ITPK1: variants seen among roughly 807,000 people sequenced by gnomAD.
ITPK1 encodes the protein inositol-tetrakisphosphate 1-kinase.
A neutral mutation model predicts 45.3 loss-of-function variants in ITPK1; 21 were observed. The observed-to-expected ratio is 0.46, with a 90% CI of 0.33 to 0.67. The LOEUF is 0.67. Among genes scored for constraint, ITPK1 ranks in the 30% least tolerant of loss-of-function variants. ITPK1 has a pLI of 0.02. For missense variants in ITPK1, 474 were observed against 573.5 expected (o/e 0.83, Z 1.77); for synonymous variants, 258 against 253.6 (o/e 1.02, Z -0.16).
At chr14:93,066,874 G>A (rs927919750) in intron 3 of ITPK1, among the ~76,000 whole-genome samples, 2 of 152,194 alleles carry the variant, frequency 1.3e-5, no homozygotes, top group Non-Finnish European at 2.9e-5. Flanking sequence ...ATGGTTCTGC[G>A]CCCAGCTGGA....
intron 4 of ITPK1, among the ~76,000 whole-genome samples, chr14:92,999,140 C>T (rs1887205268): frequency 6.6e-6 from 1 of 152,254 alleles, no homozygotes; most frequent in Admixed American, 6.5e-5. Context: ...TAGGCCTGTG[C>T]TCTGAGGAGA....
intron 3 of ITPK1, among the ~76,000 whole-genome samples, chr14:93,066,682 G>A (rs1353087499): frequency 6.6e-6 from 1 of 152,154 alleles, no homozygotes. Flanking sequence ...GGGATTACAG[G>A]TGTGAGCCAC....
chr14:93,075,677 G>A lies in ITPK1; in HGVS notation c.120+918C>T, dbSNP rs555417463. On this transcript the variant is annotated intron_variant, in intron 3 of 10. Coordinates refer to ENST00000267615, the MANE Select transcript of ITPK1 (RefSeq NM_014216.6). ...CGCTGAGGGAAGGCCTGGAGCTGAA[G>A]TTAACAGGGGTGGGCTGGAAGAGCT... 3.3e-5 allele frequency among the ~76,000 whole-genome samples: 5 copies of A among 152,376 alleles called. No homozygotes were observed. The East Asian group carries it at 9.6e-4, about 29-fold the overall frequency.
At position 93,032,206 on chromosome 14, in the gene ITPK1, T is replaced by C. The variant is rs566173825; in HGVS notation, c.121-15405A>G. Among the ~76,000 whole-genome samples the C allele has an allele frequency of 1.2e-3, 178 of 152,192 alleles. 1 individual carries two copies. Among genetic ancestry groups the C allele is most frequent in the African/African-American group, 4.0e-3 (167 of 41,514 alleles). ...CTCTACTAAAAGTGCAAAAATTAGC[T>C]GGGCATGGTGGTGCATGCCTGCAAT... is the stretch of plus-strand genomic sequence containing the variant. On this transcript the variant is annotated intron_variant, in intron 3 of 10. Coordinates refer to ENST00000267615, the MANE Select transcript of ITPK1 (RefSeq NM_014216.6). The surrounding 1 kb of genome is among the most constrained non-coding windows in gnomAD (Gnocchi z 4.0).
Position 93,076,483 on chromosome 14 carries a change from G to T in ITPK1, c.120+112C>A. 2 of 1,249,258 alleles carry T rather than the reference G, an allele frequency of 1.6e-6. No individual in the cohort carries two copies. Among genetic ancestry groups the T allele is most frequent in the South Asian group, 1.2e-5 (1 of 81,212 alleles). The allele number at this position is 1,249,258 out of a possible 1,614,324, so 77.4% of individuals were successfully genotyped here. A position where few individuals can be genotyped will look rare whatever the true frequency, so the allele number is the denominator to read the frequency against. On this transcript the variant is annotated intron_variant, in intron 3 of 10. Coordinates refer to ENST00000267615, the MANE Select transcript of ITPK1 (RefSeq NM_014216.6). The surrounding 1 kb of genome is among the most constrained non-coding windows in gnomAD (Gnocchi z 4.3). Reference sequence around the variant, plus strand: ...CAGGGGAGCTAAAAACAAGCTGCACGTGAAGAAGAGAGAAAGCCGTGCCCA... The same window carrying T: ...CAGGGGAGCTAAAAACAAGCTGCACTTGAAGAAGAGAGAAAGCCGTGCCCA...
At chr14:93,103,564 T>G (rs1441476544) in intron 2 of ITPK1, among the ~76,000 whole-genome samples, 3 of 152,162 alleles carry the variant, frequency 2.0e-5, no homozygotes, top group Non-Finnish European at 4.4e-5. Context: ...TCCAGGAGAC[T>G]GTGGTGCTCA....
intron 8 of ITPK1, among the ~76,000 whole-genome samples, chr14:92,952,700 C>T (rs1888015483): frequency 6.6e-6 from 1 of 152,246 alleles, no homozygotes. Flanking sequence ...CCGGCCCGTA[C>T]AGGCCCACTG....
chr14:93,027,460 A>G (rs117621949), intron 3 of ITPK1, among the ~76,000 whole-genome samples: 3,879 of 152,240 alleles, frequency 0.025, 94 homozygotes, highest in Admixed American at 0.084. Flanking sequence ...AGGCAGAGCC[A>G]ATTATTATTC....
intron 3 of ITPK1, among the ~76,000 whole-genome samples, chr14:93,057,985 C>T (rs966580785): frequency 1.3e-5 from 2 of 152,224 alleles, no homozygotes; most frequent in East Asian, 3.9e-4. Context: ...CTGGCCCGAT[C>T]TTCCCAGGCG....
chr14:93,099,818 C>A (rs991935743), intron 2 of ITPK1, among the ~76,000 whole-genome samples: 1 of 152,088 alleles, frequency 6.6e-6, no homozygotes, highest in Non-Finnish European at 1.5e-5. Context: ...GGTAGGCCAG[C>A]CTGGGGCTCA....
At chr14:92,962,221 GCTAT>G (rs2139741854) in intron 7 of ITPK1, 130 bp downstream of exon 7, 1 of 741,642 alleles carries the variant, frequency 1.3e-6, no homozygotes, top group Non-Finnish European at 2.5e-6. Flanking sequence ...AGGGAAGGAG[GCTAT>G]CTACCAAGGA....
intron 5 of ITPK1, among the ~76,000 whole-genome samples, chr14:92,968,971 C>T (rs1292102879): frequency 6.6e-6 from 1 of 152,176 alleles, no homozygotes; most frequent in Non-Finnish European, 1.5e-5. Context: ...TCAGTGGACA[C>T]AGACTGTTTT....
At chr14:93,097,183 A>G (rs1396202991) in intron 2 of ITPK1, among the ~76,000 whole-genome samples, 8 of 152,194 alleles carry the variant, frequency 5.3e-5, no homozygotes, top group Admixed American at 3.3e-4. Flanking sequence ...GTGTGCAGAC[A>G]TGTTCCCAGG....
intron 2 of ITPK1, among the ~76,000 whole-genome samples, chr14:93,111,411 C>T (rs1892747948): frequency 6.6e-6 from 1 of 152,174 alleles, no homozygotes. Context: ...TCTGAAGCCC[C>T]TTCTGAGCAT....
At chr14:93,102,240 G>A (rs1324640730) in intron 2 of ITPK1, among the ~76,000 whole-genome samples, 1 of 152,258 alleles carries the variant, frequency 6.6e-6, no homozygotes, top group Non-Finnish European at 1.5e-5. Context: ...AGCAGCGAGA[G>A]GATGGGGCAC....
At chr14:93,066,706 C>T (rs1890770758) in intron 3 of ITPK1, among the ~76,000 whole-genome samples, 1 of 152,126 alleles carries the variant, frequency 6.6e-6, no homozygotes, top group Non-Finnish European at 1.5e-5. Context: ...ACCCACCTGA[C>T]ATTTAGCAGT....
chr14:92,949,913 A>C (rs116076663), intron 9 of ITPK1, among the ~76,000 whole-genome samples: 3 of 152,156 alleles, frequency 2.0e-5, no homozygotes, highest in Non-Finnish European at 2.9e-5. Flanking sequence ...GAAGGCGTTC[A>C]TGGGTCCCCA....
rs1890602359 is a variant in ITPK1, at chr14:93,063,112, C to T, written c.120+13483G>A. Among the ~76,000 whole-genome samples the T allele has an allele frequency of 6.6e-6, 1 of 152,194 alleles. No individual in the cohort carries two copies. The highest frequency in any genetic ancestry group is 6.5e-5 in the Admixed American group (1 of 15,290). ...ACGCCAGACCCTTCTCCAAGCCCCA[C>T]TCCTTGGCCATTAGCTCAGTCCCAA... On this transcript the variant is annotated intron_variant, in intron 3 of 10. Transcript: ENST00000267615. The surrounding 1 kb of genome is among the most constrained non-coding windows in gnomAD (Gnocchi z 4.3).
Position 93,034,469 on chromosome 14 carries a change from T to A in ITPK1, c.121-17668A>T, listed in dbSNP as rs1273920268. ...CAGTCTGTGCCTTCACTCCTGTATT[T>A]CTGTGCTTTTCCTCTCCAAGAATAG... On this transcript the variant is annotated intron_variant, in intron 3 of 10. Transcript: ENST00000267615. This position sits in a 1 kb window ranked among gnomAD's most constrained non-coding sequence, Gnocchi z 4.1. 1.3e-5 allele frequency among the ~76,000 whole-genome samples: 2 copies of A among 152,136 alleles called. No homozygotes were observed. The highest frequency in any genetic ancestry group is 2.4e-5 in the African/African-American group (1 of 41,414).
Sources: allele counts gnomAD v4.1 joint callset (sites outside exome capture counted in the v4.1 genomes callset), GRCh38; gene constraint gnomAD v4.1.1; non-coding constraint Gnocchi (gnomAD v3.1); transcripts MANE v1.5; gene names NCBI Gene and HGNC (gene_info 2026-07-23, HGNC 2026-07-21).